WNT6: variants seen among roughly 807,000 people sequenced by gnomAD.
WNT6 encodes the protein Wnt family member 6.
In WNT6, 27 loss-of-function variants were observed where a neutral mutation model predicts 33.1. The ratio of observed to expected loss-of-function variants is 0.82; its 90% CI spans 0.60 to 1.12. The LOEUF is 1.12. Ranked by LOEUF, WNT6 falls within the 50% of genes most tolerant of loss-of-function variation. WNT6 has a pLI of 0.00. For synonymous variants in WNT6, 249 were observed against 242.8 expected (o/e 1.03, Z -0.24); for missense variants, 494 against 535.3 (o/e 0.92, Z 0.76).
In WNT6 at chr2:218,871,643, C is replaced by G. The variant is rs1223014604; in HGVS notation, c.460C>G (p.Pro154Ala). Residue 154 changes from proline to alanine, a missense_variant, in exon 3 of 4, where the codon CCC (proline) becomes GCC (alanine). Pro to Ala is a conservative substitution (Grantham distance 27). Transcript: ENST00000233948. The surrounding 1 kb of genome is among the most constrained non-coding windows in gnomAD (Gnocchi z 6.4). Reference sequence around the variant, plus strand: ...CTCCGGCCTGCCCGGCACCCCCGGACCCCCTGGCCCCGCGGGCTCCCCGGA... The same window carrying G: ...CTCCGGCCTGCCCGGCACCCCCGGAGCCCCTGGCCCCGCGGGCTCCCCGGA... Reference protein sequence around the residue: ...RPSGLPGTPGPPGPAGSPEGS... With the variant: ...RPSGLPGTPGAPGPAGSPEGS... 1 of 1,481,696 alleles carries G rather than the reference C, an allele frequency of 6.7e-7. No homozygotes were observed. Among genetic ancestry groups the G allele is most frequent in the Admixed American group, 2.3e-5 (1 of 42,758 alleles). The allele number at this position is 1,481,696 out of a possible 1,614,324, so 91.8% of individuals were successfully genotyped here. A position where few individuals can be genotyped will look rare whatever the true frequency, so the allele number is the denominator to read the frequency against.
chr2:218,870,339 C>T (rs1439163509), intron 1 of WNT6, among the ~76,000 whole-genome samples: 1 of 152,152 alleles, frequency 6.6e-6, no homozygotes, highest in African/African-American at 2.4e-5. Context: ...TCTTCCTGCT[C>T]TCCAGTTCAG....
chr2:218,871,689 G>A lies in WNT6; in HGVS notation c.506G>A (p.Trp169Ter). The change falls in exon 3 of 4, where the codon TGG becomes TAG. Residue 169 changes from tryptophan (W) to a stop codon, truncating the protein, a stop_gained. Transcript: ENST00000233948. LOFTEE classifies it high-confidence loss of function. The surrounding 1 kb of genome is among the most constrained non-coding windows in gnomAD (Gnocchi z 6.4). The stretch of plus-strand genomic sequence containing the variant: ...CCGGAAGGCAGCGCCGCCTGGGAGT[G>A]GGGAGGCTGCGGCGACGACGTGGAC... ...GSPEGSAAWEWGGCGDDVDFG... is the reference protein window; with the variant it reads ...GSPEGSAAWE 6.3e-7 allele frequency: 1 copy of A among 1,576,668 alleles called. No individual in the cohort carries two copies. The highest frequency in any genetic ancestry group is 8.6e-7 in the Non-Finnish European group (1 of 1,162,822).
intron 1 of WNT6, among the ~76,000 whole-genome samples, chr2:218,862,915 G>A (rs1398913251): frequency 6.6e-6 from 1 of 152,008 alleles, no homozygotes; most frequent in African/African-American, 2.4e-5. Flanking sequence ...ATGTTGGTCA[G>A]GCTGGTCTCA....
intron 1 of WNT6, among the ~76,000 whole-genome samples, chr2:218,862,745 G>A (rs148665308): frequency 0.016 from 2,357 of 151,422 alleles, 56 homozygotes; most frequent in African/African-American, 0.053. Context: ...TCGTTGTGTC[G>A]CCCAGGCTGG....
In WNT6 at chr2:218,873,268, G is replaced by C; in HGVS notation, c.637-116G>C. The C allele has an allele frequency of 9.3e-7, 1 of 1,077,872 alleles. No homozygotes were observed. Among genetic ancestry groups the C allele is most frequent in the African/African-American group, 1.6e-5 (1 of 62,270 alleles). 66.8% of individuals were successfully genotyped at this position (1,077,872 alleles called of 1,614,324 possible). ...CTGAACTTGCGGTCTCCTTTTGTCT[G>C]CATTTTCCTCTCTTCCTTTCACCTC... is the stretch of plus-strand genomic sequence containing the variant. On this transcript the variant is annotated intron_variant, in intron 3 of 3. Coordinates refer to ENST00000233948, the MANE Select transcript of WNT6 (RefSeq NM_006522.4). This position sits in a 1 kb window ranked among gnomAD's most constrained non-coding sequence, Gnocchi z 6.1.
intron 1 of WNT6, among the ~76,000 whole-genome samples, chr2:218,866,778 A>C (rs1261157909): frequency 2.0e-5 from 3 of 152,196 alleles, no homozygotes; most frequent in Non-Finnish European, 4.4e-5. Context: ...ATCCAAACTC[A>C]AGTCTGGTGG....
Position 218,859,951 on chromosome 2 carries a change from C to T in WNT6, c.-87C>T. On this transcript the variant is annotated 5_prime_UTR_variant, in exon 1 of 4. Coordinates refer to ENST00000233948, the MANE Select transcript of WNT6 (RefSeq NM_006522.4). ...GGCCGCCGCCGTTGCGCTCGCCGCG[C>T]TCGCACTGAAGCCCGGGCCCTCGCG... The T allele has an allele frequency of 1.8e-6, 2 of 1,133,208 alleles. No homozygotes were observed. Among genetic ancestry groups the T allele is most frequent in the Non-Finnish European group, 2.2e-6 (2 of 908,638 alleles). 70.2% of individuals were successfully genotyped at this position (1,133,208 alleles called of 1,614,324 possible).
At position 218,871,851 on chromosome 2, in the gene WNT6, C is replaced by A. The variant is rs761137117; in HGVS notation, c.636+32C>A. ...ACGGGCAGGATGGAGTGAGTGTGTGCGGAAATGTGAGTGTGCGCGCAGGAG... is the reference window on the plus strand; with the variant it reads ...ACGGGCAGGATGGAGTGAGTGTGTGAGGAAATGTGAGTGTGCGCGCAGGAG... On this transcript the variant is annotated intron_variant, in intron 3 of 3. Coordinates refer to ENST00000233948, the MANE Select transcript of WNT6 (RefSeq NM_006522.4). This position sits in a 1 kb window ranked among gnomAD's most constrained non-coding sequence, Gnocchi z 6.4. 4 of 1,530,402 alleles carry A rather than the reference C, an allele frequency of 2.6e-6. No homozygotes were observed. Among genetic ancestry groups the A allele is most frequent in the Admixed American group, 2.0e-5 (1 of 49,720 alleles). 94.8% of individuals were successfully genotyped at this position (1,530,402 alleles called of 1,614,324 possible). A position where few individuals can be genotyped will look rare whatever the true frequency, so the allele number is the denominator to read the frequency against.
chr2:218,869,608 T>C (rs1357528794), intron 1 of WNT6, among the ~76,000 whole-genome samples: 1 of 152,178 alleles, frequency 6.6e-6, no homozygotes, highest in Non-Finnish European at 1.5e-5. Context: ...TGGTCTCTAA[T>C]TACCCTCTGC....
At position 218,873,879 on chromosome 2, in the gene WNT6, G is replaced by T; in HGVS notation, c.*34G>T. 1 of 1,413,540 alleles carries T rather than the reference G, an allele frequency of 7.1e-7. No individual in the cohort carries two copies. The highest frequency in any genetic ancestry group is 9.2e-7 in the Non-Finnish European group (1 of 1,089,226). The allele number at this position is 1,413,540 out of a possible 1,614,324, so 87.6% of individuals were successfully genotyped here. ...CCGGCCGCTAGACTGACTTCGCGCAGCGGTGGCTCGCACCTGTGGGACCTC... is the reference window on the plus strand; with the variant it reads ...CCGGCCGCTAGACTGACTTCGCGCATCGGTGGCTCGCACCTGTGGGACCTC... On this transcript the variant is annotated 3_prime_UTR_variant, in exon 4 of 4. Transcript: ENST00000233948. The surrounding 1 kb of genome is among the most constrained non-coding windows in gnomAD (Gnocchi z 6.1).
Position 218,871,108 on chromosome 2 carries a change from G to A in WNT6, c.162G>A (p.Leu54=). Residue 54 remains leucine, a synonymous_variant, in exon 2 of 4, where the codon TTG becomes TTA. Coordinates refer to ENST00000233948, the MANE Select transcript of WNT6 (RefSeq NM_006522.4). This position sits in a 1 kb window ranked among gnomAD's most constrained non-coding sequence, Gnocchi z 6.4. ...GGCTGGCCGGGCGGCAGGCCGAGTT[G>A]TGCCAGGCTGAGCCGGAAGTGGTGG... is the stretch of plus-strand genomic sequence containing the variant. ...ARRLAGRQAE[L]CQAEPEVVAE... 6 of 1,613,686 alleles carry A rather than the reference G, an allele frequency of 3.7e-6. No homozygotes were observed. The highest frequency in any genetic ancestry group is 5.1e-6 in the Non-Finnish European group (6 of 1,179,924).
intron 3 of WNT6, among the ~76,000 whole-genome samples, chr2:218,872,076 G>C (rs1041206763): frequency 6.6e-6 from 1 of 152,060 alleles, no homozygotes; most frequent in African/African-American, 2.4e-5. Flanking sequence ...CAGAATGGGG[G>C]AAGGGACACT....
At chr2:218,864,692 A>G (rs1272729441) in intron 1 of WNT6, among the ~76,000 whole-genome samples, 1 of 152,102 alleles carries the variant, frequency 6.6e-6, no homozygotes, top group Non-Finnish European at 1.5e-5. Flanking sequence ...GGAAAAGGAA[A>G]CAAGAGCCAG....
At position 218,873,650 on chromosome 2, in the gene WNT6, C is replaced by T. The variant is rs1437967984; in HGVS notation, c.903C>T (p.Gly301=). The change falls in exon 4 of 4, where the codon GGC becomes GGT. Residue 301 remains glycine, a synonymous_variant. Coordinates refer to ENST00000233948, the MANE Select transcript of WNT6 (RefSeq NM_006522.4). The surrounding 1 kb of genome is among the most constrained non-coding windows in gnomAD (Gnocchi z 6.1). ...PDFCAPNRRT[G]SPGTRGRACN... The stretch of plus-strand genomic sequence containing the variant: ...TCTGCGCCCCCAACCGACGCACCGG[C>T]TCCCCCGGCACGCGCGGTCGCGCCT... 1.3e-6 allele frequency: 2 copies of T among 1,582,512 alleles called. No homozygotes were observed. The highest frequency in any genetic ancestry group is 2.3e-5 in the South Asian group (2 of 88,598).
At position 218,871,349 on chromosome 2, in the gene WNT6, C is replaced by T; in HGVS notation, c.301+102C>T. On this transcript the variant is annotated intron_variant, in intron 2 of 3. Transcript: ENST00000233948. The surrounding 1 kb of genome is among the most constrained non-coding windows in gnomAD (Gnocchi z 6.4). ...TGAAGTTGCCTGAGCCCCACTTCCC[C>T]CTCACATGTGTCTGGGCACCCTGCA... 3 of 1,487,688 alleles carry T rather than the reference C, an allele frequency of 2.0e-6. No homozygotes were observed. The South Asian group carries it at 3.8e-5, about 19-fold the overall frequency. 92.2% of individuals were successfully genotyped at this position (1,487,688 alleles called of 1,614,324 possible).
Position 218,874,040 on chromosome 2 carries a change from C to T in WNT6, c.*195C>T, listed in dbSNP as rs907237553. 1.2e-5 allele frequency: 8 copies of T among 648,684 alleles called. No homozygotes were observed. The Admixed American group carries it at 2.7e-4, about 22-fold the overall frequency. 40.2% of individuals were successfully genotyped at this position (648,684 alleles called of 1,614,324 possible). A position where few individuals can be genotyped will look rare whatever the true frequency, so the allele number is the denominator to read the frequency against. On this transcript the variant is annotated 3_prime_UTR_variant, in exon 4 of 4. Transcript: ENST00000233948. ...ACCCACGAAGGCCCAGGGCGCCAGA[C>T]GGCCCCGAAAAGGCGCTCGGGGAGC... is the stretch of plus-strand genomic sequence containing the variant.
chr2:218,871,437 C>T lies in WNT6; in HGVS notation c.302-48C>T. ...GCCGCAGGTTTCAGGTCCCAGGCCC[C>T]AGCTGACCGCCCCAGCCCGCGCTGA... On this transcript the variant is annotated intron_variant, in intron 2 of 3. Coordinates refer to ENST00000233948, the MANE Select transcript of WNT6 (RefSeq NM_006522.4). This position sits in a 1 kb window ranked among gnomAD's most constrained non-coding sequence, Gnocchi z 6.4. 1.3e-6 allele frequency: 2 copies of T among 1,581,270 alleles called. No individual in the cohort carries two copies. The highest frequency in any genetic ancestry group is 1.1e-5 in the South Asian group (1 of 88,982).
At chr2:218,866,733 T>C (rs756329233) in intron 1 of WNT6, among the ~76,000 whole-genome samples, 1 of 152,116 alleles carries the variant, frequency 6.6e-6, no homozygotes, top group Non-Finnish European at 1.5e-5. Flanking sequence ...AGGGACTCAC[T>C]CAACATCATA....
chr2:218,873,177 T>C lies in WNT6; in HGVS notation c.637-207T>C, dbSNP rs1025607425. On this transcript the variant is annotated intron_variant, in intron 3 of 3. Coordinates refer to ENST00000233948, the MANE Select transcript of WNT6 (RefSeq NM_006522.4). This position sits in a 1 kb window ranked among gnomAD's most constrained non-coding sequence, Gnocchi z 6.1. ...GTCTCCCCTCTTCGTCATCATCATA[T>C]TCCTCCATCCTCACCATTCCTCCTG... Among the ~76,000 whole-genome samples the C allele has an allele frequency of 1.3e-5, 2 of 152,084 alleles. No homozygotes were observed. The highest frequency in any genetic ancestry group is 3.9e-4 in the East Asian group (2 of 5,180).
Sources: allele counts gnomAD v4.1 joint callset (sites outside exome capture counted in the v4.1 genomes callset), GRCh38; gene constraint gnomAD v4.1.1; non-coding constraint Gnocchi (gnomAD v3.1); transcripts MANE v1.5; gene names NCBI Gene and HGNC (gene_info 2026-07-23, HGNC 2026-07-21).